The following HID1 variants were observed in gnomAD, a reference collection of about 807,000 sequenced individuals.
HID1 encodes HID1 domain containing.
HID1 carries 42 observed loss-of-function variants against 89.7 expected under a neutral mutation model. The observed-to-expected ratio is 0.47, with a 90% CI of 0.37 to 0.61. HID1 has a LOEUF of 0.61. Among genes scored for constraint, HID1 ranks in the 20% least tolerant of loss-of-function variants. The pLI, the probability that HID1 is intolerant of heterozygous loss-of-function variation, is 0.00. For synonymous variants in HID1, 442 were observed against 433.8 expected (o/e 1.02, Z -0.24); for missense variants, 854 against 1,039.3 (o/e 0.82, Z 2.45).
At chr17:74,971,297 C>G (rs2039643628) in intron 1 of HID1, among the ~76,000 whole-genome samples, 1 of 152,226 alleles carries the variant, frequency 6.6e-6, no homozygotes, top group Non-Finnish European at 1.5e-5. Flanking sequence ...CCACTTGCCA[C>G]CTTCCCTGCC....
chr17:74,954,476 C>T, intron 13 of HID1, 111 bp from the exon 14 acceptor site: 3 of 1,527,854 alleles, frequency 2.0e-6, no homozygotes, highest in Middle Eastern at 2.3e-4. Context: ...GGTGTCTGCC[C>T]AAGGGGTTGG....
chr17:74,964,918 C>T (rs9906663), intron 1 of HID1, among the ~76,000 whole-genome samples: 11,617 of 152,258 alleles, frequency 0.076, 1,156 homozygotes, highest in African/African-American at 0.23. Flanking sequence ...CTGGTTAAGT[C>T]ACCATCCTCC....
Position 74,953,051 on chromosome 17 carries a change from C to T in HID1, c.2007G>A (p.Pro669=), listed in dbSNP as rs2307010. 361,638 of 1,606,938 alleles carry T rather than the reference C, an allele frequency of 0.23. 42,105 individuals carry two copies. The highest frequency in any genetic ancestry group is 0.25 in the Middle Eastern group (1,282 of 5,210). The change falls in exon 16 of 19, where the codon CCG becomes CCA. Residue 669 remains proline (P), a synonymous_variant. Transcript: ENST00000425042. ...ACTGCCCACTGGCTGATGAGGTGGA[C>T]GGTCGCCGCTGCTCCCTCCATGCCT... ...PSQAWREQRR[P]STSSASGQWS... is the part of the protein sequence containing the mutation.
chr17:74,958,817 G>T lies in HID1; in HGVS notation c.1150-54C>A. The T allele has an allele frequency of 6.3e-7, 1 of 1,597,676 alleles. No individual in the cohort carries two copies. The highest frequency in any genetic ancestry group is 2.2e-5 in the East Asian group (1 of 44,692). ...CTGAGTTCAAGGGAGGGGCAGCTCT[G>T]CCCCACCCCCCTCAGTCTGACACTG... is the stretch of plus-strand genomic sequence containing the variant. On this transcript the variant is annotated intron_variant, in intron 9 of 18. Coordinates refer to ENST00000425042, the MANE Select transcript of HID1 (RefSeq NM_030630.3). This position sits in a 1 kb window ranked among gnomAD's most constrained non-coding sequence, Gnocchi z 5.2.
At chr17:74,954,108 A>G (rs752766360) in intron 14 of HID1, 30 bp downstream of exon 14, 81 of 1,554,532 alleles carry the variant, frequency 5.2e-5, no homozygotes, top group Non-Finnish European at 1.2e-5. Flanking sequence ...ACCAGTATCC[A>G]CACTCCTGTC....
In HID1 at chr17:74,962,100, G is replaced by A. The variant is rs2039490389; in HGVS notation, c.612-111C>T. 1 of 1,104,996 alleles carries A rather than the reference G, an allele frequency of 9.0e-7. No individual in the cohort carries two copies. The highest frequency in any genetic ancestry group is 2.6e-5 in the Admixed American group (1 of 37,982). 68.4% of individuals were successfully genotyped at this position (1,104,996 alleles called of 1,614,324 possible). On this transcript the variant is annotated intron_variant, in intron 5 of 18. Transcript: ENST00000425042. The surrounding 1 kb of genome is among the most constrained non-coding windows in gnomAD (Gnocchi z 4.3). Reference sequence around the variant, plus strand: ...TCCATGGAAGGAAGTTACTCCCGTTGACCCCTGTAAGGTCAAGGTCGGGTC... The same window carrying A: ...TCCATGGAAGGAAGTTACTCCCGTTAACCCCTGTAAGGTCAAGGTCGGGTC...
rs1392532201 is a variant in HID1, at chr17:74,958,093, G to A, written c.1471+48C>T. 1.3e-6 allele frequency: 2 copies of A among 1,535,792 alleles called. No homozygotes were observed. The highest frequency in any genetic ancestry group is 3.9e-5 in the Admixed American group (2 of 51,680). ...CAAGTGGCAGGTTGGCCTGTGGCCT[G>A]ACACCACCTGGTGGTGAGCGCGGGG... On this transcript the variant is annotated intron_variant, in intron 12 of 18. Coordinates refer to ENST00000425042, the MANE Select transcript of HID1 (RefSeq NM_030630.3). This position sits in a 1 kb window ranked among gnomAD's most constrained non-coding sequence, Gnocchi z 5.2.
chr17:74,967,215 T>C (rs1296857064), intron 1 of HID1, among the ~76,000 whole-genome samples: 25 of 144,180 alleles, frequency 1.7e-4, no homozygotes, highest in East Asian at 8.4e-4. Flanking sequence ...CCAGCCTGGG[T>C]GACAGAGTGA....
chr17:74,963,709 C>T (rs772956004), intron 3 of HID1, 31 bp downstream of exon 3: 5 of 1,567,474 alleles, frequency 3.2e-6, no homozygotes, highest in Non-Finnish European at 4.3e-6. Context: ...CCAACTCTGC[C>T]TCCCACCCAG....
Position 74,952,335 on chromosome 17 carries a change from G to T in HID1, c.2078C>A (p.Pro693Gln). The T allele has an allele frequency of 6.2e-7, 1 of 1,613,808 alleles. No homozygotes were observed. The highest frequency in any genetic ancestry group is 8.5e-7 in the Non-Finnish European group (1 of 1,179,902). ...CAGCAGCCTCATGATGGTCTGCAGC[G>T]GCAGCTTCGACTTCCAGGAGAGGAC... is the stretch of plus-strand genomic sequence containing the variant. ...EWVLSWKSKL[P>Q]LQTIMRLLQV... Residue 693 changes from proline to glutamine, a missense_variant, in exon 17 of 19, where the codon CCG (proline) becomes CAG (glutamine). Pro to Gln is a moderately conservative substitution (Grantham distance 76, BLOSUM62 -1). Coordinates refer to ENST00000425042, the MANE Select transcript of HID1 (RefSeq NM_030630.3).
rs752296382 is a variant in HID1, at chr17:74,958,654, A to G, written c.1240+19T>C. The stretch of plus-strand genomic sequence containing the variant: ...CCGCCAGGAAAGCCCCCAGCATCCC[A>G]CCCCCACCCTGGTCTTACACTGATC... On this transcript the variant is annotated intron_variant, in intron 10 of 18. Coordinates refer to ENST00000425042, the MANE Select transcript of HID1 (RefSeq NM_030630.3). The surrounding 1 kb of genome is among the most constrained non-coding windows in gnomAD (Gnocchi z 5.2). The G allele has an allele frequency of 9.7e-6, 5 of 515,038 alleles. No homozygotes were observed. Among genetic ancestry groups the G allele is most frequent in the Admixed American group, 3.2e-5 (1 of 31,268 alleles). The allele number at this position is 515,038 out of a possible 1,614,324, so 31.9% of individuals were successfully genotyped here.
chr17:74,965,927 A>G (rs1202413189), intron 1 of HID1, among the ~76,000 whole-genome samples: 1 of 151,598 alleles, frequency 6.6e-6, no homozygotes, highest in Non-Finnish European at 1.5e-5. Context: ...CAAAAAAAAA[A>G]AAGTACACAA....
intron 1 of HID1, 101 bp from the exon 2 acceptor site, chr17:74,964,733 GT>G: frequency 1.6e-6 from 2 of 1,271,410 alleles, no homozygotes; most frequent in Non-Finnish European, 2.2e-6. Context: ...GGAAGCCAGA[GT>G]CCCCCTACCT....
At chr17:74,960,281 T>C in intron 6 of HID1, 33 bp from the exon 7 acceptor site, 1 of 1,572,678 alleles carries the variant, frequency 6.4e-7, no homozygotes, top group Non-Finnish European at 8.6e-7. Context: ...CTGCAGAGGC[T>C]GCACTGGGGC....
At chr17:74,966,223 G>A (rs1241771721) in intron 1 of HID1, among the ~76,000 whole-genome samples, 6 of 143,770 alleles carry the variant, frequency 4.2e-5, no homozygotes, top group Admixed American at 1.5e-4. Flanking sequence ...GGCAGAGGTC[G>A]CAGTGAGCCG....
Position 74,959,415 on chromosome 17 carries a change from A to C in HID1, c.1009-364T>G, listed in dbSNP as rs2039445279. Among the ~76,000 whole-genome samples the C allele has an allele frequency of 6.6e-6, 1 of 151,810 alleles. No individual in the cohort carries two copies. The highest frequency in any genetic ancestry group is 1.5e-5 in the Non-Finnish European group (1 of 67,936). ...GTTCCATCCTTCTACCCCTCCCCAA[A>C]ATACTCCCCCATCACCCCATCACAA... On this transcript the variant is annotated intron_variant, in intron 8 of 18. Transcript: ENST00000425042. The surrounding 1 kb of genome is among the most constrained non-coding windows in gnomAD (Gnocchi z 4.6).
At chr17:74,964,742 C>G in intron 1 of HID1, 110 bp from the exon 2 acceptor site, 3 of 1,158,814 alleles carry the variant, frequency 2.6e-6, no homozygotes, top group Non-Finnish European at 3.6e-6. Context: ...AGTCCCCCTA[C>G]CTGCTGGGGT....
Position 74,958,098 on chromosome 17 carries a change from C to T in HID1, c.1471+43G>A. On this transcript the variant is annotated intron_variant, in intron 12 of 18. Transcript: ENST00000425042. This position sits in a 1 kb window ranked among gnomAD's most constrained non-coding sequence, Gnocchi z 5.2. Reference sequence around the variant, plus strand: ...GGCAGGTTGGCCTGTGGCCTGACACCACCTGGTGGTGAGCGCGGGGAGTGC... The same window carrying T: ...GGCAGGTTGGCCTGTGGCCTGACACTACCTGGTGGTGAGCGCGGGGAGTGC... The T allele has an allele frequency of 1.9e-6, 3 of 1,551,036 alleles. No homozygotes were observed. The highest frequency in any genetic ancestry group is 1.7e-6 in the Non-Finnish European group (2 of 1,146,482).
intron 12 of HID1, among the ~76,000 whole-genome samples, chr17:74,956,427 G>A (rs924342073): frequency 6.6e-6 from 1 of 152,188 alleles, no homozygotes; most frequent in Admixed American, 6.5e-5. Context: ...ACCCAACCCT[G>A]GGGGCACACC....
Sources: gnomAD v4.1 joint callset for allele counts (sites outside exome capture counted in the v4.1 genomes callset) on GRCh38, gnomAD v4.1.1 for gene constraint, Gnocchi (gnomAD v3.1) non-coding constraint, MANE v1.5 for transcripts, NCBI Gene and HGNC (gene_info 2026-07-23, HGNC 2026-07-21) for gene names.